Variants in CADM1 observed in about 807,000 individuals in gnomAD.
CADM1 encodes the protein TSLC-1.
Under a neutral mutation model 53.1 loss-of-function variants are expected in CADM1, and 15 were observed. That is an observed-to-expected ratio of 0.28 (90% CI 0.19 to 0.44). CADM1 has a LOEUF of 0.44. Ranked by LOEUF, CADM1 falls within the 20% of genes least tolerant of loss-of-function variation. The probability of loss-of-function intolerance (pLI) is 1.00; values close to 1 mark genes in which losing one functional copy is unlikely to be tolerated. For missense variants in CADM1, 434 were observed against 611.3 expected (o/e 0.71, Z 3.06); for synonymous variants, 281 against 243.0 (o/e 1.16, Z -1.45).
chr11:115,294,710 C>G (rs1318569689), intron 1 of CADM1, among the ~76,000 whole-genome samples: 5 of 152,126 alleles, frequency 3.3e-5, no homozygotes, highest in Non-Finnish European at 7.4e-5. Flanking sequence ...AAAAATTTTA[C>G]TTGTGATAAG....
At chr11:115,213,163 C>T (rs1207109346) in intron 7 of CADM1, among the ~76,000 whole-genome samples, 1 of 152,144 alleles carries the variant, frequency 6.6e-6, no homozygotes, top group African/African-American at 2.4e-5. Context: ...TCGGGGACTC[C>T]CATGAGGCGC....
chr11:115,298,385 G>C (rs889313919), intron 1 of CADM1, among the ~76,000 whole-genome samples: 34 of 152,192 alleles, frequency 2.2e-4, no homozygotes, highest in Admixed American at 2.0e-3. Flanking sequence ...GAAGAAGAAA[G>C]GGAAGGAGGC....
rs982606906 is a variant in CADM1 at position 115,504,124 on chromosome 11, A to G, written c.124+147T>C. ...AGATGCCCTCAGCCCCTTCCCTCTC[A>G]GCCCTGAGTTTCCTCTCCACACTCC... On this transcript the variant is annotated intron_variant, in intron 1 of 11. Coordinates refer to ENST00000331581, the MANE Select transcript of CADM1 (RefSeq NM_001301043.2). 7 of 1,212,004 alleles carry G rather than the reference A, an allele frequency of 5.8e-6. No homozygotes were observed. In the Admixed American group the frequency reaches 1.6e-4, roughly 27 times the overall value. 75.1% of individuals were successfully genotyped at this position (1,212,004 alleles called of 1,614,324 possible). A position where few individuals can be genotyped will look rare whatever the true frequency, so the allele number is the denominator to read the frequency against.
At chr11:115,345,455 T>C (rs1020895080) in intron 1 of CADM1, among the ~76,000 whole-genome samples, 9 of 152,088 alleles carry the variant, frequency 5.9e-5, no homozygotes, top group African/African-American at 2.2e-4. Context: ...TGAAGTCCTG[T>C]AAGTTTATCT....
intron 1 of CADM1, among the ~76,000 whole-genome samples, chr11:115,436,092 T>C (rs1267988650): frequency 1.3e-5 from 2 of 152,194 alleles, no homozygotes; most frequent in African/African-American, 2.4e-5. Context: ...CAAAGATAAC[T>C]ACTGTTCTAT....
intron 1 of CADM1, among the ~76,000 whole-genome samples, chr11:115,298,131 A>G (rs1021865323): frequency 6.6e-6 from 1 of 152,232 alleles, no homozygotes; most frequent in Non-Finnish European, 1.5e-5. Flanking sequence ...AATAATCCAC[A>G]AAGTAGAGAC....
intron 1 of CADM1, among the ~76,000 whole-genome samples, chr11:115,321,173 G>T: frequency 6.6e-6 from 1 of 152,166 alleles, no homozygotes; most frequent in East Asian, 1.9e-4. Flanking sequence ...ATAGTAAAGG[G>T]AAAAGAATCT....
chr11:115,452,553 A>T (rs1283061149), intron 1 of CADM1, among the ~76,000 whole-genome samples: 1 of 152,224 alleles, frequency 6.6e-6, no homozygotes, highest in Non-Finnish European at 1.5e-5. Flanking sequence ...AGAGAGTTAT[A>T]TTGAGGTTTA....
intron 5 of CADM1, among the ~76,000 whole-genome samples, chr11:115,222,957 G>A (rs528282218): frequency 6.6e-6 from 1 of 152,252 alleles, no homozygotes; most frequent in East Asian, 1.9e-4. Flanking sequence ...TAACAAGAGA[G>A]GGGTTTTTTT....
intron 10 of CADM1, among the ~76,000 whole-genome samples, chr11:115,183,192 C>T (rs1429035470): frequency 6.6e-6 from 1 of 152,232 alleles, no homozygotes; most frequent in East Asian, 1.9e-4. Flanking sequence ...TCTCCTTTCC[C>T]CTCCTTCTAG....
intron 1 of CADM1, among the ~76,000 whole-genome samples, chr11:115,390,270 T>C (rs1195675931): frequency 6.6e-6 from 1 of 152,104 alleles, no homozygotes; most frequent in East Asian, 1.9e-4. Context: ...TCAGAGTATA[T>C]GTTCAAGCTG....
At position 115,175,049 on chromosome 11, in the gene CADM1, GTTC is replaced by G; in HGVS notation, c.*1422_*1424del. 1.0e-6 allele frequency: 1 copy of G among 985,848 alleles called. No individual in the cohort carries two copies. Among genetic ancestry groups the G allele is most frequent in the East Asian group, 1.1e-4 (1 of 8,814 alleles). The allele number at this position is 985,848 out of a possible 1,614,324, so 61.1% of individuals were successfully genotyped here. On this transcript the variant is annotated 3_prime_UTR_variant, in exon 12 of 12. Coordinates refer to ENST00000331581, the MANE Select transcript of CADM1 (RefSeq NM_001301043.2). Reference sequence around the variant, plus strand: ...GAGGATCAGTAATTTTTGGCAGATGGTTCTTAAGGCTGAGGAAAGAGGCCAAGG... The same window carrying G: ...GAGGATCAGTAATTTTTGGCAGATGGTTAAGGCTGAGGAAAGAGGCCAAGG...
intron 10 of CADM1, among the ~76,000 whole-genome samples, chr11:115,186,011 G>A (rs368760940): frequency 1.3e-4 from 20 of 152,264 alleles, no homozygotes; most frequent in African/African-American, 3.6e-4. Flanking sequence ...AAAAGTTCCC[G>A]TTTGATGGTC....
At chr11:115,449,056 T>C (rs938755545) in intron 1 of CADM1, among the ~76,000 whole-genome samples, 3 of 152,158 alleles carry the variant, frequency 2.0e-5, no homozygotes, top group African/African-American at 7.2e-5. Context: ...AAATATCTCA[T>C]CATCTTTTAT....
At chr11:115,469,566 T>C (rs1342456679) in intron 1 of CADM1, among the ~76,000 whole-genome samples, 1 of 152,174 alleles carries the variant, frequency 6.6e-6, no homozygotes, top group Non-Finnish European at 1.5e-5. Flanking sequence ...CATTAAACCG[T>C]TTCAAACTAC....
intron 1 of CADM1, among the ~76,000 whole-genome samples, chr11:115,470,934 C>G (rs542208425): frequency 1.1e-4 from 16 of 152,252 alleles, no homozygotes; most frequent in African/African-American, 2.9e-4. Flanking sequence ...AAAACTGGTC[C>G]CCCTCTCTGC....
chr11:115,321,021 C>T (rs1235225976), intron 1 of CADM1, among the ~76,000 whole-genome samples: 1 of 152,104 alleles, frequency 6.6e-6, no homozygotes, highest in Non-Finnish European at 1.5e-5. Flanking sequence ...AACAACATTA[C>T]AGCCAGTAAG....
chr11:115,501,804 C>T (rs942812320), intron 1 of CADM1, among the ~76,000 whole-genome samples: 10 of 152,142 alleles, frequency 6.6e-5, no homozygotes, highest in African/African-American at 2.4e-4. Context: ...AAAGCTTAAA[C>T]AGAACTGAGG....
intron 1 of CADM1, among the ~76,000 whole-genome samples, chr11:115,404,914 GA>G (rs1714468194): frequency 6.6e-6 from 1 of 151,324 alleles, no homozygotes; most frequent in Admixed American, 6.6e-5. Flanking sequence ...TCGGCATTAG[GA>G]AACTGAGAGA....
Sources: allele counts gnomAD v4.1 joint callset (sites outside exome capture counted in the v4.1 genomes callset), GRCh38; gene constraint gnomAD v4.1.1; transcripts MANE v1.5; gene names NCBI Gene and HGNC (gene_info 2026-07-23, HGNC 2026-07-21).